AKT3: variants seen among roughly 807,000 people sequenced by gnomAD.
AKT3 encodes the protein AKT serine/threonine kinase 3.
Under a neutral mutation model 65.3 loss-of-function variants are expected in AKT3, and 15 were observed. The observed-to-expected ratio is 0.23, with a 90% CI of 0.15 to 0.35. The LOEUF (loss-of-function observed/expected upper bound fraction) is 0.35, where lower values mean the gene tolerates loss of function less well. Among genes scored for constraint, AKT3 ranks in the 10% least tolerant of loss-of-function variants. The pLI, the probability that AKT3 is intolerant of heterozygous loss-of-function variation, is 1.00. For synonymous variants in AKT3, 206 were observed against 183.8 expected (o/e 1.12, Z -0.98); for missense variants, 243 against 576.5 (o/e 0.42, Z 5.92).
At chr1:243,554,638 T>A (rs951674424) in intron 10 of AKT3, among the ~76,000 whole-genome samples, 2 of 152,238 alleles carry the variant, frequency 1.3e-5, no homozygotes, top group African/African-American at 4.8e-5. Flanking sequence ...TACAATGCAC[T>A]GTTGGTGGGC....
chr1:243,793,555 CTT>C (rs1691762984), intron 2 of AKT3: 1 of 152,248 alleles, frequency 6.6e-6, no homozygotes, highest in Non-Finnish European at 1.5e-5. Flanking sequence ...GAGAGGATCT[CTT>C]GAGGCCAGGG....
chr1:243,834,901 T>A (rs1391306324), intron 2 of AKT3, among the ~76,000 whole-genome samples: 14 of 152,120 alleles, frequency 9.2e-5, no homozygotes, highest in Admixed American at 5.2e-4. Flanking sequence ...GCAAAAAATA[T>A]ATAACATTAT....
intron 2 of AKT3, among the ~76,000 whole-genome samples, chr1:243,795,460 TTG>T (rs1479426877): frequency 5.6e-5 from 7 of 125,082 alleles, no homozygotes; most frequent in African/African-American, 1.9e-4. Flanking sequence ...TTTTTTTTTT[TTG>T]TTTTTTTTTT....
intron 3 of AKT3, among the ~76,000 whole-genome samples, chr1:243,689,723 G>A (rs1025550698): frequency 6.6e-6 from 1 of 152,008 alleles, no homozygotes; most frequent in African/African-American, 2.4e-5. Flanking sequence ...GGGAGGCCAA[G>A]GTGTGGATCA....
At chr1:243,563,489 T>C (rs1434470748) in intron 10 of AKT3, among the ~76,000 whole-genome samples, 1 of 152,218 alleles carries the variant, frequency 6.6e-6, no homozygotes, top group African/African-American at 2.4e-5. Flanking sequence ...AAAAATTGAT[T>C]TAACTGACTA....
At chr1:243,548,131 C>A (rs971483904) in intron 11 of AKT3, 2 of 152,174 alleles carry the variant, frequency 1.3e-5, no homozygotes, top group Non-Finnish European at 2.9e-5. Context: ...AGCAAAAGCA[C>A]CAAAACACGT....
chr1:243,675,208 C>CT (rs939550103), intron 3 of AKT3, among the ~76,000 whole-genome samples: 24 of 151,644 alleles, frequency 1.6e-4, no homozygotes, highest in Middle Eastern at 3.4e-3. Flanking sequence ...TTCAAAGTCA[C>CT]TTTTTTTTTG....
At chr1:243,625,078 G>C in intron 6 of AKT3, 2 of 270,284 alleles carry the variant, frequency 7.4e-6, no homozygotes, top group Non-Finnish European at 1.5e-5. Context: ...CCCCACTTTA[G>C]AGACAGAAGT....
chr1:243,580,423 C>T (rs1259563831), intron 8 of AKT3, among the ~76,000 whole-genome samples: 3 of 152,044 alleles, frequency 2.0e-5, no homozygotes, highest in South Asian at 2.1e-4. Context: ...TTTCCAGACC[C>T]GGGAAAAAGA....
intron 1 of AKT3, among the ~76,000 whole-genome samples, chr1:243,849,312 C>G (rs914210299): frequency 2.0e-5 from 3 of 152,124 alleles, no homozygotes; most frequent in African/African-American, 7.2e-5. Context: ...TCTTAGCACA[C>G]AACTCCCAAG....
chr1:243,499,859 C>T lies in AKT3; in HGVS notation c.*5390G>A. The T allele has an allele frequency of 2.1e-6, 3 of 1,402,798 alleles. No individual in the cohort carries two copies. Among genetic ancestry groups the T allele is most frequent in the South Asian group, 1.2e-5 (1 of 85,316 alleles). The allele number at this position is 1,402,798 out of a possible 1,614,324, so 86.9% of individuals were successfully genotyped here. On this transcript the variant is annotated 3_prime_UTR_variant, in exon 14 of 14. Transcript: ENST00000673466. ...TTCATCTGGTTTAGACTTAATATGC[C>T]ACAACGCACCACGACCTTCCCAGGG...
At chr1:243,803,414 T>C (rs998006612) in intron 2 of AKT3, among the ~76,000 whole-genome samples, 2 of 152,120 alleles carry the variant, frequency 1.3e-5, no homozygotes, top group Non-Finnish European at 2.9e-5. Flanking sequence ...CCACATAGAG[T>C]TACTTCATTT....
At position 243,501,470 on chromosome 1, in the gene AKT3, C is replaced by A. The variant is rs1669293855; in HGVS notation, c.*3779G>T. Reference sequence around the variant, plus strand: ...CCCAGGGTCTGAGACCTCCTTCATCCCTGGCTTCACAGTACATCCATCCTA... The same window carrying A: ...CCCAGGGTCTGAGACCTCCTTCATCACTGGCTTCACAGTACATCCATCCTA... On this transcript the variant is annotated 3_prime_UTR_variant, in exon 14 of 14. Transcript: ENST00000673466. The A allele has an allele frequency of 4.3e-6, 1 of 233,132 alleles. No homozygotes were observed. Among genetic ancestry groups the A allele is most frequent in the Non-Finnish European group, 8.5e-6 (1 of 118,000 alleles). The allele number at this position is 233,132 out of a possible 1,614,324, so 14.4% of individuals were successfully genotyped here.
intron 1 of AKT3, among the ~76,000 whole-genome samples, chr1:243,843,977 A>G (rs894145582): frequency 1.3e-5 from 2 of 152,176 alleles, no homozygotes; most frequent in African/African-American, 2.4e-5. Context: ...TATAAAATAC[A>G]ACGTACCAAG....
At chr1:243,720,253 G>A (rs1161099299) in intron 2 of AKT3, among the ~76,000 whole-genome samples, 8 of 151,880 alleles carry the variant, frequency 5.3e-5, no homozygotes, top group East Asian at 3.9e-4. Context: ...AGCCAAGACC[G>A]TGCCATTGCA....
At chr1:243,819,255 C>T (rs1395316268) in intron 2 of AKT3, among the ~76,000 whole-genome samples, 2 of 152,196 alleles carry the variant, frequency 1.3e-5, no homozygotes, top group Admixed American at 6.5e-5. Flanking sequence ...GACTGAGCTC[C>T]GGAGGGGCAG....
chr1:243,670,748 G>GTT (rs1177558266), intron 3 of AKT3, among the ~76,000 whole-genome samples: 5 of 150,570 alleles, frequency 3.3e-5, no homozygotes, highest in African/African-American at 1.2e-4. Flanking sequence ...ACTTATATTA[G>GTT]ATAGTTATAC....
intron 12 of AKT3, among the ~76,000 whole-genome samples, chr1:243,531,341 C>A (rs1416125217): frequency 6.6e-6 from 1 of 152,178 alleles, no homozygotes; most frequent in Non-Finnish European, 1.5e-5. Flanking sequence ...CTTGGCCTCC[C>A]AAAATGCTGG....
At chr1:243,786,936 A>G (rs527436725) in intron 2 of AKT3, among the ~76,000 whole-genome samples, 2 of 152,336 alleles carry the variant, frequency 1.3e-5, no homozygotes, top group South Asian at 2.1e-4. Flanking sequence ...AAAAAAGAAG[A>G]GGCCCATGTA....
Sources: gnomAD v4.1 joint callset for allele counts (sites outside exome capture counted in the v4.1 genomes callset) on GRCh38, gnomAD v4.1.1 for gene constraint, MANE v1.5 for transcripts, NCBI Gene and HGNC (gene_info 2026-07-23, HGNC 2026-07-21) for gene names.